Variants in STK3 observed in about 807,000 individuals in gnomAD.
STK3 encodes the protein serine/threonine-protein kinase 3.
In STK3, 41 loss-of-function variants were observed where a neutral mutation model predicts 58.0. The observed-to-expected ratio is 0.71, with a 90% CI of 0.55 to 0.92. STK3 has a LOEUF of 0.92. Among genes scored for constraint, STK3 ranks in the 40% least tolerant of loss-of-function variants. The pLI, the probability that STK3 is intolerant of heterozygous loss-of-function variation, is 0.00. For missense variants in STK3, 479 were observed against 602.7 expected (o/e 0.79, Z 2.15); for synonymous variants, 170 against 191.0 (o/e 0.89, Z 0.91).
At chr8:98,919,563 A>G (rs1048910412) in intron 1 of STK3, among the ~76,000 whole-genome samples, 1 of 152,202 alleles carries the variant, frequency 6.6e-6, no homozygotes, top group Non-Finnish European at 1.5e-5. Flanking sequence ...AGTAAGTTAC[A>G]TGGGTGATGT....
chr8:98,650,126 T>G (rs1456896406), intron 6 of STK3, among the ~76,000 whole-genome samples: 1 of 152,230 alleles, frequency 6.6e-6, no homozygotes, highest in African/African-American at 2.4e-5. Context: ...ATTTTACTGG[T>G]ACCTTTTGGA....
downstream of STK3, among the ~76,000 whole-genome samples, chr8:98,399,005 C>G (rs1371012308): frequency 6.6e-6 from 1 of 152,168 alleles, no homozygotes; most frequent in African/African-American, 2.4e-5. Context: ...AGGTCCTGGT[C>G]CCCAGCATGG....
chr8:98,581,019 T>C (rs920818200), intron 7 of STK3, among the ~76,000 whole-genome samples: 2 of 152,226 alleles, frequency 1.3e-5, no homozygotes, highest in Non-Finnish European at 2.9e-5. Context: ...CCTATTAACA[T>C]ATCTGTGGTA....
chr8:98,808,253 A>G (rs1217961760), intron 1 of STK3, among the ~76,000 whole-genome samples: 1 of 152,256 alleles, frequency 6.6e-6, no homozygotes, highest in Non-Finnish European at 1.5e-5. Context: ...TGAGGGCAGG[A>G]CAGGAAAGAA....
At chr8:98,395,884 G>GATGATTCTAAGAA (rs377321764) in intron 3 of STK3, among the ~76,000 whole-genome samples, 13 of 152,316 alleles carry the variant, frequency 8.5e-5, no homozygotes, top group African/African-American at 2.6e-4. Context: ...GATTCTAAGA[G>GATGATTCTAAGAA]ATGATTCTAG....
At chr8:98,529,771 A>T (rs538978628) in intron 9 of STK3, among the ~76,000 whole-genome samples, 2 of 152,324 alleles carry the variant, frequency 1.3e-5, no homozygotes, top group East Asian at 3.9e-4. Context: ...AGCTAGTAAC[A>T]AAAGAACAAA....
intron 9 of STK3, among the ~76,000 whole-genome samples, chr8:98,545,642 T>C (rs1019938188): frequency 6.6e-6 from 1 of 152,154 alleles, no homozygotes; most frequent in Non-Finnish European, 1.5e-5. Context: ...ACAAGGATGT[T>C]AAATCAGGCA....
chr8:98,586,953 T>C (rs1814672727), intron 7 of STK3, among the ~76,000 whole-genome samples: 1 of 152,072 alleles, frequency 6.6e-6, no homozygotes, highest in Admixed American at 6.5e-5. Context: ...ATCCCCTTTA[T>C]CATTTTTTAT....
chr8:98,457,824 A>C (rs748792660), intron 10 of STK3, among the ~76,000 whole-genome samples: 1 of 152,196 alleles, frequency 6.6e-6, no homozygotes, highest in Non-Finnish European at 1.5e-5. Context: ...TCCTGTAAAT[A>C]TCTTGTACTA....
chr8:98,923,874 C>CGT (rs1564107718), intron 1 of STK3, among the ~76,000 whole-genome samples: 10 of 144,296 alleles, frequency 6.9e-5, no homozygotes, highest in Admixed American at 1.4e-4. Flanking sequence ...CGCGCGCGCG[C>CGT]GCGTTGACAA....
chr8:98,370,260 G>C (rs1822396381), downstream of STK3, among the ~76,000 whole-genome samples: 1 of 151,564 alleles, frequency 6.6e-6, no homozygotes, highest in South Asian at 2.1e-4. Flanking sequence ...TCAGGCCAGT[G>C]GACCAGGAAC....
intron 1 of STK3, among the ~76,000 whole-genome samples, chr8:98,439,879 T>C (rs937465821): frequency 1.3e-5 from 2 of 152,174 alleles, no homozygotes; most frequent in South Asian, 4.1e-4. Context: ...GCAGCGCATG[T>C]GCTGGTGTGG....
rs1196825647 is a variant in STK3, at chr8:98,893,434, G to GAAAGAAAC, written c.-78-9601_-78-9600insGTTTCTTT. ...GGAAGGAAGGAAGGAAAGAAAGAAA[G>GAAAGAAAC]AAAGAAAGAAAGAAAGAAAGAAAGA... On this transcript the variant is annotated intron_variant, in intron 1 of 1. Coordinates refer to the STK3 transcript ENST00000519420. 3.4e-4 allele frequency among the ~76,000 whole-genome samples: 22 copies of GAAAGAAAC among 65,200 alleles called. 1 individual carries two copies. The highest frequency in any genetic ancestry group is 1.5e-3 in the African/African-American group (21 of 13,990). 42.8% of individuals were successfully genotyped at this position (65,200 alleles called of 152,430 possible).
intron 1 of STK3, among the ~76,000 whole-genome samples, chr8:98,915,318 C>G (rs1217136963): frequency 6.6e-6 from 1 of 151,524 alleles, no homozygotes; most frequent in African/African-American, 2.4e-5. Context: ...CCTCGAACAT[C>G]GGACTCCAAG....
intron 3 of STK3, among the ~76,000 whole-genome samples, chr8:98,878,163 G>A (rs1374219222): frequency 1.3e-5 from 2 of 149,844 alleles, no homozygotes; most frequent in Non-Finnish European, 1.5e-5. Flanking sequence ...AGCAATTCTC[G>A]TGCCTCAGCC....
chr8:98,580,192 A>G (rs886639137), intron 7 of STK3, among the ~76,000 whole-genome samples: 1 of 152,226 alleles, frequency 6.6e-6, no homozygotes, highest in Non-Finnish European at 1.5e-5. Flanking sequence ...ATAAGTTGAC[A>G]GCCAAAATCA....
At chr8:98,902,304 G>T (rs1469418850) in intron 1 of STK3, among the ~76,000 whole-genome samples, 1 of 152,050 alleles carries the variant, frequency 6.6e-6, no homozygotes, top group East Asian at 1.9e-4. Context: ...CTGAGCTCTA[G>T]ACCTATTTGT....
intron 1 of STK3, among the ~76,000 whole-genome samples, chr8:98,913,066 C>T (rs1839213345): frequency 6.6e-6 from 1 of 151,550 alleles, no homozygotes; most frequent in African/African-American, 2.4e-5. Flanking sequence ...AGCCACTACA[C>T]ACAGCCCATT....
intron 1 of STK3, among the ~76,000 whole-genome samples, chr8:98,383,330 T>C (rs1817757713): frequency 6.6e-6 from 1 of 152,208 alleles, no homozygotes; most frequent in Non-Finnish European, 1.5e-5. Context: ...TGAAAGCCCA[T>C]GCATTGAATC....
Sources: gnomAD v4.1 joint callset for allele counts (sites outside exome capture counted in the v4.1 genomes callset) on GRCh38, gnomAD v4.1.1 for gene constraint, MANE v1.5 for transcripts, NCBI Gene and HGNC (gene_info 2026-07-23, HGNC 2026-07-21) for gene names.